The following ADAM23 variants were observed in gnomAD, a reference collection of about 807,000 sequenced individuals.
The protein encoded by ADAM23 is ADAM metallopeptidase domain 23, also known as disintegrin and metalloproteinase domain-containing protein 23.
ADAM23 carries 33 observed loss-of-function variants against 120.1 expected under a neutral mutation model. The ratio of observed to expected loss-of-function variants is 0.27; its 90% CI spans 0.21 to 0.37. ADAM23 has a LOEUF of 0.37. ADAM23 is among the 10% of genes least tolerant of loss of function. The probability of loss-of-function intolerance (pLI) is 1.00; values close to 1 mark genes in which losing one functional copy is unlikely to be tolerated. For missense variants in ADAM23, 862 were observed against 1,058.2 expected, an observed-to-expected ratio of 0.81 and a Z score of 2.57; for synonymous variants, 367 against 375.2, an observed-to-expected ratio of 0.98 and a Z score of 0.25.
At position 206,445,311 on chromosome 2, in the gene ADAM23, G is replaced by T. The variant is rs527380641; in HGVS notation, c.219G>T (p.Pro73=). The T allele has an allele frequency of 4.3e-6, 7 of 1,612,672 alleles. No homozygotes were observed. Among genetic ancestry groups the T allele is most frequent in the African/African-American group, 4.0e-5 (3 of 74,750 alleles). ...CCACCCCCCTACCTCCACCAGCTCC[G>T]CATTGGAATGAAACTGCAGAAAAAA... is the stretch of plus-strand genomic sequence containing the variant. ...RAWGAAAPSA[P]HWNETAEKNL... Residue 73 remains proline (P), a synonymous_variant, in exon 2 of 26, where the codon CCG becomes CCT. Coordinates refer to ENST00000264377, the MANE Select transcript of ADAM23 (RefSeq NM_003812.4).
At chr2:206,502,170 A>T (rs974296277) in intron 3 of ADAM23, among the ~76,000 whole-genome samples, 2 of 152,110 alleles carry the variant, frequency 1.3e-5, no homozygotes, top group African/African-American at 4.8e-5. Flanking sequence ...ATCTTTTGTT[A>T]TTCTTAACAC....
chr2:206,569,976 T>C (rs1697963592), intron 15 of ADAM23, among the ~76,000 whole-genome samples: 1 of 152,148 alleles, frequency 6.6e-6, no homozygotes, highest in Non-Finnish European at 1.5e-5. Context: ...GTAGTGATTA[T>C]GCCCAGAGAA....
intron 3 of ADAM23, among the ~76,000 whole-genome samples, chr2:206,482,119 A>G (rs1474954346): frequency 1.3e-5 from 2 of 152,234 alleles, no homozygotes; most frequent in Non-Finnish European, 2.9e-5. Flanking sequence ...CACAACCAAT[A>G]TTTGAGAAAT....
chr2:206,445,440 A>G lies in ADAM23; in HGVS notation c.348A>G (p.Arg116=). The G allele has an allele frequency of 6.2e-7, 1 of 1,614,082 alleles. No individual in the cohort carries two copies. Residue 116 remains arginine (R), a synonymous_variant, in exon 2 of 26, where the codon AGA becomes AGG. Transcript: ENST00000264377. ...AMQKEITLPS[R]LIYYINQDSE... is the part of the protein sequence containing the mutation. ...AGAAAGAAATCACACTGCCTTCAAG[A>G]CTCATATATTACATCAACCAAGACT... is the stretch of plus-strand genomic sequence containing the variant.
chr2:206,496,812 A>C (rs1312966490), intron 3 of ADAM23, among the ~76,000 whole-genome samples: 1 of 152,240 alleles, frequency 6.6e-6, no homozygotes, highest in Non-Finnish European at 1.5e-5. Flanking sequence ...AAAAATGACA[A>C]AGGGGATATC....
rs574637956 is a variant in ADAM23, at chr2:206,457,687, C to T, written c.432+12163C>T. 2.6e-5 allele frequency among the ~76,000 whole-genome samples: 4 copies of T among 151,876 alleles called. 1 individual carries two copies. The South Asian group carries it at 6.2e-4, about 24-fold the overall frequency. On this transcript the variant is annotated intron_variant, in intron 2 of 25. Transcript: ENST00000264377. ...CTTTCCTTCTTTAATTTTCACTTTC[C>T]TCTAGCAGTTTTTCCTTCTTTCTTG...
intron 24 of ADAM23, among the ~76,000 whole-genome samples, chr2:206,605,586 A>C (rs1698713080): frequency 6.6e-6 from 1 of 152,248 alleles, no homozygotes; most frequent in Admixed American, 6.5e-5. Context: ...TTTTAAAAGT[A>C]GGGTGTGCAG....
At chr2:206,551,580 T>C (rs926831442) in intron 9 of ADAM23, among the ~76,000 whole-genome samples, 1 of 152,238 alleles carries the variant, frequency 6.6e-6, no homozygotes, top group Non-Finnish European at 1.5e-5. Flanking sequence ...TTTAAGTCTT[T>C]GTTTTACTTT....
intron 3 of ADAM23, among the ~76,000 whole-genome samples, chr2:206,487,626 G>A (rs1696042054): frequency 6.6e-6 from 1 of 152,224 alleles, no homozygotes; most frequent in Non-Finnish European, 1.5e-5. Context: ...CTGGTCCGAG[G>A]TGAACACCCA....
chr2:206,587,981 T>C, intron 19 of ADAM23, 110 bp from the exon 20 acceptor site: 1 of 1,052,788 alleles, frequency 9.5e-7, no homozygotes, highest in South Asian at 1.4e-5. Context: ...AATATTAGGG[T>C]ATGAAATGAA....
chr2:206,613,145 C>A (rs974514831), intron 25 of ADAM23, among the ~76,000 whole-genome samples: 1 of 152,090 alleles, frequency 6.6e-6, no homozygotes, highest in Non-Finnish European at 1.5e-5. Context: ...CCGCAACCTC[C>A]GCCTCCCAGG....
intron 16 of ADAM23, among the ~76,000 whole-genome samples, chr2:206,571,360 A>G (rs930784881): frequency 6.6e-6 from 1 of 152,160 alleles, no homozygotes; most frequent in African/African-American, 2.4e-5. Flanking sequence ...CTGTAGTCCC[A>G]GCTACTCGGG....
intron 3 of ADAM23, among the ~76,000 whole-genome samples, chr2:206,515,829 G>T (rs1022044343): frequency 1.1e-4 from 16 of 151,644 alleles, no homozygotes; most frequent in African/African-American, 4.9e-5. Flanking sequence ...GTTCTTTAGA[G>T]TTTTTTTTCC....
intron 15 of ADAM23, among the ~76,000 whole-genome samples, chr2:206,567,993 C>T (rs548677572): frequency 3.6e-4 from 55 of 152,218 alleles, no homozygotes; most frequent in Non-Finnish European, 6.5e-4. Context: ...ATGGGGAAAC[C>T]GCCCCCATGA....
chr2:206,512,238 T>C (rs1696638007), intron 3 of ADAM23, among the ~76,000 whole-genome samples: 1 of 152,218 alleles, frequency 6.6e-6, no homozygotes, highest in Admixed American at 6.5e-5. Context: ...ACAAGCTGCT[T>C]AATAGCCTCT....
intron 16 of ADAM23, 151 bp from the exon 17 acceptor site, chr2:206,571,576 A>T: frequency 1.7e-6 from 1 of 576,032 alleles, no homozygotes; most frequent in South Asian, 2.4e-5. Context: ...GAAGGAATCT[A>T]TCCTTGTTTA....
chr2:206,490,976 T>C (rs1053947971), intron 3 of ADAM23, among the ~76,000 whole-genome samples: 3 of 152,218 alleles, frequency 2.0e-5, no homozygotes, highest in African/African-American at 7.2e-5. Context: ...AGGGTGTCTA[T>C]GCAACCTACT....
At chr2:206,602,513 C>A (rs2105858525) in intron 24 of ADAM23, among the ~76,000 whole-genome samples, 2 of 152,208 alleles carry the variant, frequency 1.3e-5, no homozygotes, top group South Asian at 4.2e-4. Flanking sequence ...AATAATAAAT[C>A]CCTGAAGAAA....
At chr2:206,462,167 A>G (rs1695434626) in intron 2 of ADAM23, among the ~76,000 whole-genome samples, 1 of 152,140 alleles carries the variant, frequency 6.6e-6, no homozygotes, top group Admixed American at 6.5e-5. Flanking sequence ...TGGAGGTGAA[A>G]AACTGATGAC....
Sources: gnomAD v4.1 joint callset for allele counts (sites outside exome capture counted in the v4.1 genomes callset) on GRCh38, gnomAD v4.1.1 for gene constraint, MANE v1.5 for transcripts, NCBI Gene and HGNC (gene_info 2026-07-23, HGNC 2026-07-21) for gene names.